Variants in ESRRG observed in about 807,000 individuals in gnomAD.
ESRRG encodes estrogen-related receptor gamma.
ESRRG carries 13 observed loss-of-function variants against 44.0 expected under a neutral mutation model. The ratio of observed to expected loss-of-function variants is 0.30; its 90% CI spans 0.19 to 0.47. The LOEUF is 0.47. Among genes scored for constraint, ESRRG ranks in the 20% least tolerant of loss-of-function variants. The pLI is 1.00. For synonymous variants in ESRRG, 215 were observed against 214.6 expected (o/e 1.00, Z -0.02); for missense variants, 395 against 580.6 (o/e 0.68, Z 3.29).
intron 3 of ESRRG, among the ~76,000 whole-genome samples, chr1:216,577,736 T>A (rs1228963343): frequency 2.6e-5 from 4 of 151,898 alleles, no homozygotes; most frequent in Non-Finnish European, 4.4e-5. Context: ...TAGAGTCTAA[T>A]GATCAAAAAA....
rs923681905 is a variant in ESRRG at position 216,907,966 on chromosome 1, G to A, written c.-14+31616C>T. Among the ~76,000 whole-genome samples the A allele has an allele frequency of 1.1e-4, 16 of 151,868 alleles. 1 individual carries two copies. The South Asian group carries it at 3.2e-3, about 30-fold the overall frequency. Reference sequence around the variant, plus strand: ...TCTTTTTTATGTCTATTTTTATTAAGATTGTAAGACTATGAATAAAATCTT... The same window carrying A: ...TCTTTTTTATGTCTATTTTTATTAAAATTGTAAGACTATGAATAAAATCTT... On this transcript the variant is annotated intron_variant, in intron 2 of 7. Transcript: ENST00000359162.
chr1:216,915,954 G>T (rs1031120693), intron 2 of ESRRG, among the ~76,000 whole-genome samples: 2 of 152,120 alleles, frequency 1.3e-5, no homozygotes, highest in South Asian at 4.1e-4. Flanking sequence ...TATTCGCCAC[G>T]GGAGGGAGGA....
At chr1:216,577,394 A>C (rs759046301) in intron 3 of ESRRG, among the ~76,000 whole-genome samples, 5 of 152,080 alleles carry the variant, frequency 3.3e-5, no homozygotes, top group Non-Finnish European at 5.9e-5. Context: ...TATCCTTTTC[A>C]AAATTGCTTT....
chr1:216,912,709 G>T (rs1487094094), intron 2 of ESRRG, among the ~76,000 whole-genome samples: 1 of 152,118 alleles, frequency 6.6e-6, no homozygotes, highest in African/African-American at 2.4e-5. Context: ...CACTGTGTGT[G>T]TGCATATATA....
At position 216,544,707 on chromosome 1, in the gene ESRRG, C is replaced by T. The variant is rs535557707; in HGVS notation, c.862+19512G>A. On this transcript the variant is annotated intron_variant, in intron 5 of 6. Coordinates refer to ENST00000408911, the MANE Select transcript of ESRRG (RefSeq NM_001438.4). ...GGGGGACTCTATTACAAATATAATACCTTCTCAGGTCACCTAGAAAAAACA... is the reference window on the plus strand; with the variant it reads ...GGGGGACTCTATTACAAATATAATATCTTCTCAGGTCACCTAGAAAAAACA... 3.3e-5 allele frequency among the ~76,000 whole-genome samples: 5 copies of T among 151,932 alleles called. No individual in the cohort carries two copies. The South Asian group carries it at 8.3e-4, about 25-fold the overall frequency.
chr1:216,912,135 GAA>G (rs1277205151), intron 2 of ESRRG, among the ~76,000 whole-genome samples: 4 of 23,856 alleles, frequency 1.7e-4, no homozygotes, highest in African/African-American at 5.0e-4. Context: ...GAAAAGAAAA[GAA>G]AAGAAAAGAA....
At chr1:217,108,878 G>A (rs543505067) in intron 1 of ESRRG, among the ~76,000 whole-genome samples, 70 of 152,152 alleles carry the variant, frequency 4.6e-4, no homozygotes, top group African/African-American at 1.6e-3. Flanking sequence ...CCTAACACAG[G>A]ATATGTTCTG....
intron 2 of ESRRG, among the ~76,000 whole-genome samples, chr1:216,847,889 G>A (rs999876998): frequency 1.3e-5 from 2 of 152,004 alleles, no homozygotes; most frequent in South Asian, 2.1e-4. Flanking sequence ...AGCAGAAGAG[G>A]GACACTCCAT....
At chr1:216,554,211 T>C (rs2057024183) in intron 5 of ESRRG, among the ~76,000 whole-genome samples, 1 of 152,072 alleles carries the variant, frequency 6.6e-6, no homozygotes, top group Admixed American at 6.6e-5. Context: ...CCCAGCACTT[T>C]GGAAGGCTGG....
At chr1:216,950,254 T>C (rs2066738251) in intron 1 of ESRRG, among the ~76,000 whole-genome samples, 1 of 152,224 alleles carries the variant, frequency 6.6e-6, no homozygotes, top group South Asian at 2.1e-4. Flanking sequence ...GTATGTTGAA[T>C]GAACTACTAG....
chr1:216,962,360 C>T (rs1216921428), intron 1 of ESRRG, among the ~76,000 whole-genome samples: 1 of 152,264 alleles, frequency 6.6e-6, no homozygotes, highest in East Asian at 1.9e-4. Context: ...TCTTCTCTGT[C>T]TTCATTCCAA....
upstream of ESRRG, among the ~76,000 whole-genome samples, chr1:216,724,965 A>C (rs1278627170): frequency 6.6e-6 from 1 of 152,156 alleles, no homozygotes; most frequent in Non-Finnish European, 1.5e-5. Context: ...AAATAGTATA[A>C]TCTTTGAGAT....
At chr1:217,001,005 T>C (rs1441706126) in intron 1 of ESRRG, among the ~76,000 whole-genome samples, 2 of 152,146 alleles carry the variant, frequency 1.3e-5, no homozygotes, top group Non-Finnish European at 2.9e-5. Flanking sequence ...AATGGAGAAA[T>C]AAAAGTGATA....
chr1:216,924,762 T>A (rs1435854943), intron 2 of ESRRG, among the ~76,000 whole-genome samples: 1 of 152,190 alleles, frequency 6.6e-6, no homozygotes, highest in African/African-American at 2.4e-5. Context: ...GGTGTATTTA[T>A]GACAGGGTGG....
intron 1 of ESRRG, among the ~76,000 whole-genome samples, chr1:217,080,942 G>C (rs2091714302): frequency 6.6e-6 from 1 of 151,942 alleles, no homozygotes; most frequent in Admixed American, 6.5e-5. Context: ...CTGCCAAAGT[G>C]TTGGGATTAC....
intron 5 of ESRRG, 108 bp from the exon 6 acceptor site, chr1:216,519,529 G>C (rs1040092897): frequency 1.1e-4 from 119 of 1,086,468 alleles, no homozygotes; most frequent in Non-Finnish European, 1.5e-4. Context: ...AAATTATGCT[G>C]AGCTTTGATT....
At chr1:217,025,469 A>G (rs1265829247) in intron 1 of ESRRG, among the ~76,000 whole-genome samples, 2 of 152,240 alleles carry the variant, frequency 1.3e-5, no homozygotes, top group Non-Finnish European at 2.9e-5. Flanking sequence ...GGGTAAATCA[A>G]TTGGGAAAAA....
chr1:216,689,850 T>C (rs986353736), intron 1 of ESRRG, among the ~76,000 whole-genome samples: 2 of 151,008 alleles, frequency 1.3e-5, no homozygotes. Context: ...AATTCTGATA[T>C]CTCTAAATTA....
intron 1 of ESRRG, among the ~76,000 whole-genome samples, chr1:217,015,584 G>T (rs931138921): frequency 6.6e-6 from 1 of 151,922 alleles, no homozygotes; most frequent in Non-Finnish European, 1.5e-5. Flanking sequence ...CTAAAATTGT[G>T]TACTCAATCA....
Sources: allele counts gnomAD v4.1 joint callset (sites outside exome capture counted in the v4.1 genomes callset), GRCh38; gene constraint gnomAD v4.1.1; transcripts MANE v1.5; gene names NCBI Gene and HGNC (gene_info 2026-07-23, HGNC 2026-07-21).